The following TXNDC11 variants were observed in gnomAD, a reference collection of about 807,000 sequenced individuals.
The protein encoded by TXNDC11 is thioredoxin domain-containing protein 11.
TXNDC11 carries 68 observed loss-of-function variants against 78.0 expected under a neutral mutation model. That is an observed-to-expected ratio of 0.87 (90% CI 0.72 to 1.07). The LOEUF (loss-of-function observed/expected upper bound fraction) is 1.07, where lower values mean the gene tolerates loss of function less well. TXNDC11 is among the 50% of genes least tolerant of loss of function. The pLI, the probability that TXNDC11 is intolerant of heterozygous loss-of-function variation, is 0.00. For synonymous variants in TXNDC11, 571 were observed against 495.2 expected (o/e 1.15, Z -2.03); for missense variants, 1,389 against 1,221.8 (o/e 1.14, Z -2.04).
intron 5 of TXNDC11, among the ~76,000 whole-genome samples, chr16:11,702,284 G>A (rs903094736): frequency 2.7e-4 from 41 of 152,096 alleles, no homozygotes; most frequent in Non-Finnish European, 3.5e-4. Flanking sequence ...AGTATTTAGT[G>A]TTAAAGGAGG....
chr16:11,741,715 G>A (rs951857821), intron 1 of TXNDC11, among the ~76,000 whole-genome samples: 2 of 152,274 alleles, frequency 1.3e-5, no homozygotes, highest in Middle Eastern at 3.4e-3. Context: ...ACGAGCGTCC[G>A]GCACATAGTA....
intron 4 of TXNDC11, among the ~76,000 whole-genome samples, chr16:11,722,278 G>GC (rs1567338022): frequency 6.6e-6 from 1 of 152,048 alleles, no homozygotes; most frequent in African/African-American, 2.4e-5. Context: ...CCCGCCTCTG[G>GC]CCCTCTGGCT....
chr16:11,741,870 T>G (rs1392405377), intron 1 of TXNDC11: 1 of 152,086 alleles, frequency 6.6e-6, no homozygotes, highest in Non-Finnish European at 1.5e-5. Context: ...CTGTCTCTAC[T>G]AAAAATACAA....
At chr16:11,704,744 A>G (rs184729286) in intron 5 of TXNDC11, among the ~76,000 whole-genome samples, 1 of 152,216 alleles carries the variant, frequency 6.6e-6, no homozygotes, top group Non-Finnish European at 1.5e-5. Flanking sequence ...GGAAAGACAG[A>G]GGATTTGTCA....
Position 11,679,280 on chromosome 16 carries a change from G to T in TXNDC11, c.2792C>A (p.Pro931His), listed in dbSNP as rs527366435. The T allele has an allele frequency of 3.1e-6, 5 of 1,612,914 alleles. No homozygotes were observed. The highest frequency in any genetic ancestry group is 4.2e-6 in the Non-Finnish European group (5 of 1,180,006). The change falls in exon 12 of 12, where the codon CCC (proline) becomes CAC (histidine). Residue 931 changes from proline to histidine, a missense_variant. Physicochemically the swap from Pro to His is moderately conservative, Grantham distance 77. Transcript: ENST00000283033. This position sits in a 1 kb window ranked among gnomAD's most constrained non-coding sequence, Gnocchi z 4.6. ...TGGAGGGGAGCTGCCAGGGAGCTGG[G>T]GGGTGGCTGAGGGCTCAGGCTGCTT... ...HPKQPEPSATPQLPGSSPPPA... is the reference protein window; with the variant it reads ...HPKQPEPSATHQLPGSSPPPA...
At position 11,679,658 on chromosome 16, in the gene TXNDC11, C is replaced by G. The variant is rs778395848; in HGVS notation, c.2414G>C (p.Arg805Thr). ...TTCTGCTCTCAGTTTCTGGATCTCT[C>G]TCTCCAAGTGGGAGATGTGCCCCCG... Reference protein sequence around the residue: ...LQRGHISHLEREIQKLRAEIS... With the variant: ...LQRGHISHLETEIQKLRAEIS... The change falls in exon 12 of 12, where the codon AGA becomes ACA. Residue 805 changes from arginine (R) to threonine (T), a missense_variant. By Grantham distance (71) the Arg-to-Thr change is moderately conservative. Transcript: ENST00000283033. This position sits in a 1 kb window ranked among gnomAD's most constrained non-coding sequence, Gnocchi z 4.6. 1 of 1,614,222 alleles carries G rather than the reference C, an allele frequency of 6.2e-7. No individual in the cohort carries two copies. The highest frequency in any genetic ancestry group is 8.5e-7 in the Non-Finnish European group (1 of 1,180,046).
intron 5 of TXNDC11, among the ~76,000 whole-genome samples, chr16:11,717,449 A>G (rs1335132056): frequency 6.6e-6 from 1 of 151,198 alleles, no homozygotes; most frequent in Non-Finnish European, 1.5e-5. Context: ...AAAAAAAAAA[A>G]AAAAAAAGAA....
Position 11,679,778 on chromosome 16 carries a change from C to A in TXNDC11, c.2294G>T (p.Arg765Met). The part of the protein sequence containing the change: ...DVPITLPNLL[R>M]FILHHSDPAS... Reference sequence around the variant, plus strand: ...AGGGTCTGAGTGATGCAAAATGAACCTCAACAGGTTTGGAAGGGTGATGGG... The same window carrying A: ...AGGGTCTGAGTGATGCAAAATGAACATCAACAGGTTTGGAAGGGTGATGGG... The change falls in exon 12 of 12, where the codon AGG becomes ATG. Residue 765 changes from arginine (R) to methionine (M), a missense_variant. Coordinates refer to ENST00000283033, the MANE Select transcript of TXNDC11 (RefSeq NM_015914.7). This position sits in a 1 kb window ranked among gnomAD's most constrained non-coding sequence, Gnocchi z 4.6. 1 of 1,614,102 alleles carries A rather than the reference C, an allele frequency of 6.2e-7. No individual in the cohort carries two copies. Among genetic ancestry groups the A allele is most frequent in the Non-Finnish European group, 8.5e-7 (1 of 1,179,996 alleles).
chr16:11,703,233 A>G (rs1019628504), intron 5 of TXNDC11, among the ~76,000 whole-genome samples: 1 of 152,236 alleles, frequency 6.6e-6, no homozygotes, highest in Non-Finnish European at 1.5e-5. Context: ...ACTGGAAAAC[A>G]GTATCTTGAC....
At chr16:11,723,193 G>A (rs112600751) in intron 4 of TXNDC11, among the ~76,000 whole-genome samples, 11,825 of 151,994 alleles carry the variant, frequency 0.078, 536 homozygotes, top group South Asian at 0.19. Context: ...AGGGGGTGGA[G>A]GCTGCAGTGA....
intron 5 of TXNDC11, among the ~76,000 whole-genome samples, chr16:11,701,719 T>C (rs1355065159): frequency 1.3e-5 from 2 of 152,120 alleles, no homozygotes; most frequent in African/African-American, 2.4e-5. Context: ...AGACTACTTT[T>C]GACCCTCAAA....
chr16:11,690,373 C>T (rs974797450), intron 8 of TXNDC11, among the ~76,000 whole-genome samples: 3 of 152,154 alleles, frequency 2.0e-5, no homozygotes, highest in South Asian at 2.1e-4. Flanking sequence ...TGCTGGTTTG[C>T]GACTGACACT....
At chr16:11,711,711 TCTA>T (rs1167249216) in intron 5 of TXNDC11, among the ~76,000 whole-genome samples, 1 of 152,204 alleles carries the variant, frequency 6.6e-6, no homozygotes, top group Non-Finnish European at 1.5e-5. Context: ...ATTCGCAGGT[TCTA>T]CTGAGTAAGA....
At chr16:11,689,750 T>C (rs1013773970) in intron 8 of TXNDC11, among the ~76,000 whole-genome samples, 1 of 152,192 alleles carries the variant, frequency 6.6e-6, no homozygotes, top group African/African-American at 2.4e-5. Context: ...AATACATGCT[T>C]GTAGGAACAC....
chr16:11,704,741 CAG>C (rs2051131481), intron 5 of TXNDC11, among the ~76,000 whole-genome samples: 5 of 152,162 alleles, frequency 3.3e-5, no homozygotes, highest in African/African-American at 1.2e-4. Flanking sequence ...CAAGGAAAGA[CAG>C]AGGATTTGTC....
At chr16:11,704,384 T>C (rs1214082472) in intron 5 of TXNDC11, among the ~76,000 whole-genome samples, 2 of 152,214 alleles carry the variant, frequency 1.3e-5, no homozygotes, top group African/African-American at 2.4e-5. Context: ...GATCCACTGA[T>C]GGAGGCTAAA....
At chr16:11,707,892 G>A (rs977523152) in intron 5 of TXNDC11, among the ~76,000 whole-genome samples, 6 of 152,026 alleles carry the variant, frequency 3.9e-5, no homozygotes, top group African/African-American at 1.2e-4. Flanking sequence ...AGACCAGCCT[G>A]GGCAAGAGAG....
chr16:11,713,875 T>C (rs1331232712), intron 5 of TXNDC11, among the ~76,000 whole-genome samples: 1 of 151,946 alleles, frequency 6.6e-6, no homozygotes, highest in Admixed American at 6.6e-5. Flanking sequence ...CTAGAACCCA[T>C]GCCATTTGCC....
chr16:11,714,913 A>C (rs4781141), intron 5 of TXNDC11, among the ~76,000 whole-genome samples: 71,916 of 152,026 alleles, frequency 0.47, 17,317 homozygotes, highest in Middle Eastern at 0.57. Context: ...GAGTTTAGGA[A>C]TTCCCAAAGG....
Sources: allele counts gnomAD v4.1 joint callset (sites outside exome capture counted in the v4.1 genomes callset), GRCh38; gene constraint gnomAD v4.1.1; non-coding constraint Gnocchi (gnomAD v3.1); transcripts MANE v1.5; gene names NCBI Gene and HGNC (gene_info 2026-07-23, HGNC 2026-07-21).